RTN1: variants seen among roughly 807,000 people sequenced by gnomAD.
RTN1 encodes the protein reticulon 1.
RTN1 carries 25 observed loss-of-function variants against 65.5 expected under a neutral mutation model. The observed-to-expected ratio is 0.38, with a 90% CI of 0.28 to 0.53. The LOEUF (loss-of-function observed/expected upper bound fraction) is 0.53. Ranked by LOEUF, RTN1 falls within the 20% of genes least tolerant of loss-of-function variation. The pLI, the probability that RTN1 is intolerant of heterozygous loss-of-function variation, is 0.79. For missense variants in RTN1, 983 were observed against 1,025.4 expected (o/e 0.96, Z 0.57); for synonymous variants, 471 against 447.6 (o/e 1.05, Z -0.66).
chr14:59,711,243 A>C (rs1356037810), intron 3 of RTN1, among the ~76,000 whole-genome samples: 1 of 152,222 alleles, frequency 6.6e-6, no homozygotes, highest in Non-Finnish European at 1.5e-5. Context: ...TCAGCAAAGA[A>C]AAGGCTGAAC....
At chr14:59,729,465 C>G (rs1218616604) in intron 2 of RTN1, among the ~76,000 whole-genome samples, 1 of 152,122 alleles carries the variant, frequency 6.6e-6, no homozygotes, top group African/African-American at 2.4e-5. Context: ...TTCTATGATC[C>G]TCAACTCTAT....
In RTN1 at chr14:59,816,990, A is replaced by G. The variant is rs1886832777; in HGVS notation, c.241+53400T>C. ...TACCAATAAGGGTTGTTTTATGTAC[A>G]TCTTAAGGGCAAATCTAAGCATGAC... On this transcript the variant is annotated intron_variant, in intron 1 of 8. Coordinates refer to ENST00000267484, the MANE Select transcript of RTN1 (RefSeq NM_021136.3). The surrounding 1 kb of genome is among the most constrained non-coding windows in gnomAD (Gnocchi z 4.3). 6.6e-6 allele frequency among the ~76,000 whole-genome samples: 1 copy of G among 152,188 alleles called. No homozygotes were observed. The highest frequency in any genetic ancestry group is 1.5e-5 in the Non-Finnish European group (1 of 68,020).
intron 3 of RTN1, among the ~76,000 whole-genome samples, chr14:59,683,436 C>G (rs1219813202): frequency 8.2e-6 from 1 of 122,382 alleles, no homozygotes; most frequent in Non-Finnish European, 1.7e-5. Flanking sequence ...TTTCATTTAA[C>G]TTTCTTTTAG....
At chr14:59,869,054 T>C (rs981442981) in intron 1 of RTN1, among the ~76,000 whole-genome samples, 1 of 152,066 alleles carries the variant, frequency 6.6e-6, no homozygotes, top group Non-Finnish European at 1.5e-5. Context: ...AGTACTTTTC[T>C]TTCTTTCTTT....
At position 59,849,838 on chromosome 14, in the gene RTN1, T is replaced by C. The variant is rs1887472850; in HGVS notation, c.241+20552A>G. ...AGCCAAGTCTTCTTAACTACTTCTC[T>C]TTTCCTCTTCTTCATAAATCCATTC... On this transcript the variant is annotated intron_variant, in intron 1 of 8. Coordinates refer to ENST00000267484, the MANE Select transcript of RTN1 (RefSeq NM_021136.3). The surrounding 1 kb of genome is among the most constrained non-coding windows in gnomAD (Gnocchi z 4.5). 6.6e-6 allele frequency among the ~76,000 whole-genome samples: 1 copy of C among 152,198 alleles called. No individual in the cohort carries two copies. Among genetic ancestry groups the C allele is most frequent in the Admixed American group, 6.5e-5 (1 of 15,276 alleles).
At chr14:59,822,519 C>T (rs954202932) in intron 1 of RTN1, among the ~76,000 whole-genome samples, 3 of 152,128 alleles carry the variant, frequency 2.0e-5, no homozygotes, top group African/African-American at 7.2e-5. Context: ...TTCAGTTCTG[C>T]TCTGACTTTG....
In RTN1 at chr14:59,756,933, C is replaced by T. The variant is rs544578972; in HGVS notation, c.242-10452G>A. 1.2e-3 allele frequency among the ~76,000 whole-genome samples: 184 copies of T among 151,712 alleles called. 7 individuals are homozygous for T. In the South Asian group the frequency reaches 0.037, roughly 30 times the overall value. On this transcript the variant is annotated intron_variant, in intron 1 of 8. Coordinates refer to ENST00000267484, the MANE Select transcript of RTN1 (RefSeq NM_021136.3). ...TGACCTCCTGGGTTCAAGCGATTCT[C>T]CTGCCTCAGTCTCCCAGGTACCTGG...
At chr14:59,671,992 A>C (rs945420711) in intron 3 of RTN1, among the ~76,000 whole-genome samples, 6 of 152,250 alleles carry the variant, frequency 3.9e-5, no homozygotes, top group Non-Finnish European at 8.8e-5. Flanking sequence ...TATACAACCT[A>C]ATGCCACAGT....
At chr14:59,837,179 C>T (rs779174748) in intron 1 of RTN1, among the ~76,000 whole-genome samples, 1 of 151,424 alleles carries the variant, frequency 6.6e-6, no homozygotes, top group Admixed American at 6.6e-5. Flanking sequence ...TAAACGAAAG[C>T]AAATATTTAG....
At chr14:59,717,128 G>C (rs1884552861) in intron 3 of RTN1, among the ~76,000 whole-genome samples, 1 of 152,144 alleles carries the variant, frequency 6.6e-6, no homozygotes, top group African/African-American at 2.4e-5. Flanking sequence ...TTCAGAAGTA[G>C]AATCAAACTG....
chr14:59,818,636 G>C (rs1594754770), intron 1 of RTN1, among the ~76,000 whole-genome samples: 1 of 152,282 alleles, frequency 6.6e-6, no homozygotes, highest in East Asian at 1.9e-4. Context: ...ATGAGTCCGT[G>C]TGTCTTTATG....
intron 1 of RTN1, among the ~76,000 whole-genome samples, chr14:59,767,207 C>T (rs1048919378): frequency 3.9e-5 from 6 of 152,182 alleles, no homozygotes; most frequent in African/African-American, 1.2e-4. Context: ...TAGCCTTCCC[C>T]TAGGTGTGGA....
intron 3 of RTN1, among the ~76,000 whole-genome samples, chr14:59,615,752 T>C (rs1002392793): frequency 3.3e-5 from 5 of 152,072 alleles, no homozygotes; most frequent in Non-Finnish European, 7.4e-5. Flanking sequence ...TAAAAGATAA[T>C]AAAAAGGTCT....
intron 2 of RTN1, among the ~76,000 whole-genome samples, chr14:59,728,477 C>T (rs2139481099): frequency 6.6e-6 from 1 of 152,154 alleles, no homozygotes; most frequent in South Asian, 2.1e-4. Flanking sequence ...TGCCTGCCTT[C>T]TGCCTGATGT....
At chr14:59,691,837 C>G (rs1883967784) in intron 3 of RTN1, among the ~76,000 whole-genome samples, 1 of 152,014 alleles carries the variant, frequency 6.6e-6, no homozygotes, top group Non-Finnish European at 1.5e-5. Flanking sequence ...CAAAAACCAT[C>G]TAATCATCTC....
At chr14:59,673,247 T>C (rs931014461) in intron 3 of RTN1, among the ~76,000 whole-genome samples, 1 of 152,184 alleles carries the variant, frequency 6.6e-6, no homozygotes, top group Non-Finnish European at 1.5e-5. Flanking sequence ...AGAAATGTTG[T>C]GGCTTTTGTG....
At chr14:59,832,996 T>C (rs986403879) in intron 1 of RTN1, among the ~76,000 whole-genome samples, 2 of 152,206 alleles carry the variant, frequency 1.3e-5, no homozygotes, top group African/African-American at 2.4e-5. Context: ...TTGTGCCTTA[T>C]TTATTTATGA....
chr14:59,717,472 C>T lies in RTN1; in HGVS notation c.1765+9447G>A, dbSNP rs984711180. ...CCCCACTCCTCTCCCTCTCCTGCTA[C>T]AAATTTTCCAGGCTATGAACAGAGA... On this transcript the variant is annotated intron_variant, in intron 3 of 8. Coordinates refer to ENST00000267484, the MANE Select transcript of RTN1 (RefSeq NM_021136.3). 2.6e-5 allele frequency among the ~76,000 whole-genome samples: 4 copies of T among 152,208 alleles called. No homozygotes were observed. The East Asian group carries it at 7.7e-4, about 29-fold the overall frequency.
At chr14:59,725,825 G>T (rs1394425352) in intron 3 of RTN1, among the ~76,000 whole-genome samples, 1 of 152,190 alleles carries the variant, frequency 6.6e-6, no homozygotes, top group African/African-American at 2.4e-5. Flanking sequence ...TTTATATGAA[G>T]CACTTTAACT....
Sources: gnomAD v4.1 joint callset for allele counts (sites outside exome capture counted in the v4.1 genomes callset) on GRCh38, gnomAD v4.1.1 for gene constraint, Gnocchi (gnomAD v3.1) non-coding constraint, MANE v1.5 for transcripts, NCBI Gene and HGNC (gene_info 2026-07-23, HGNC 2026-07-21) for gene names.